ARL15: variants seen among roughly 807,000 people sequenced by gnomAD.
ARL15 encodes the protein ARF like GTPase 15.
ARL15 carries 19 observed loss-of-function variants against 25.2 expected under a neutral mutation model. The observed-to-expected ratio is 0.75, with a 90% CI of 0.53 to 1.10. ARL15 has a LOEUF of 1.10. Ranked by LOEUF, ARL15 falls within the 50% of genes least tolerant of loss-of-function variation. The pLI is 0.00. For synonymous variants in ARL15, 94 were observed against 86.8 expected, an observed-to-expected ratio of 1.08 and a Z score of -0.46; for missense variants, 220 against 246.0, an observed-to-expected ratio of 0.89 and a Z score of 0.71.
intron 1 of ARL15, among the ~76,000 whole-genome samples, chr5:54,197,619 CA>C (rs775918167): frequency 1.5e-4 from 23 of 152,214 alleles, no homozygotes; most frequent in Non-Finnish European, 2.8e-4. Flanking sequence ...GCTTAGAAAA[CA>C]GAGCATAAGG....
At chr5:54,043,015 C>T (rs1750392649) in intron 4 of ARL15, among the ~76,000 whole-genome samples, 1 of 152,082 alleles carries the variant, frequency 6.6e-6, no homozygotes, top group Admixed American at 6.6e-5. Flanking sequence ...CATCATGGCA[C>T]CTCTAACAGT....
At chr5:54,292,630 T>C (rs753088560) in intron 1 of ARL15, among the ~76,000 whole-genome samples, 1 of 152,094 alleles carries the variant, frequency 6.6e-6, no homozygotes, top group Admixed American at 6.5e-5. Context: ...ACTATACCTA[T>C]AGAAATTGAG....
intron 4 of ARL15, among the ~76,000 whole-genome samples, chr5:54,038,990 G>A (rs1459471582): frequency 6.6e-6 from 1 of 152,164 alleles, no homozygotes; most frequent in Admixed American, 6.5e-5. Context: ...ACTCCAAGAT[G>A]CAATAAAGTT....
chr5:53,958,825 G>A (rs73110866), intron 4 of ARL15, among the ~76,000 whole-genome samples: 8,685 of 152,206 alleles, frequency 0.057, 260 homozygotes, highest in Middle Eastern at 0.12. Context: ...AAGATATTAT[G>A]TATTGATAAA....
At chr5:54,122,009 C>T (rs1753093350) in intron 3 of ARL15, among the ~76,000 whole-genome samples, 2 of 152,158 alleles carry the variant, frequency 1.3e-5, no homozygotes, top group South Asian at 2.1e-4. Context: ...CTCAAGTTAG[C>T]TCAGTACCTG....
intron 4 of ARL15, among the ~76,000 whole-genome samples, chr5:54,011,541 G>A (rs1749243934): frequency 6.6e-6 from 1 of 152,126 alleles, no homozygotes; most frequent in Non-Finnish European, 1.5e-5. Flanking sequence ...TAGGTGGTTA[G>A]GGTGAAAAAT....
intron 4 of ARL15, among the ~76,000 whole-genome samples, chr5:53,890,207 A>G (rs923657867): frequency 1.3e-5 from 2 of 152,180 alleles, no homozygotes; most frequent in Non-Finnish European, 1.5e-5. Flanking sequence ...GTCACATTTG[A>G]ATTGTTCACC....
intron 4 of ARL15, among the ~76,000 whole-genome samples, chr5:54,032,409 A>G (rs1343687713): frequency 6.6e-6 from 1 of 151,864 alleles, no homozygotes; most frequent in Non-Finnish European, 1.5e-5. Flanking sequence ...TAATTTTTGT[A>G]TTTTTAGCAC....
intron 1 of ARL15, among the ~76,000 whole-genome samples, chr5:54,302,682 G>GTTTTTTT (rs1758644486): frequency 3.4e-5 from 2 of 59,356 alleles, no homozygotes; most frequent in South Asian, 5.7e-4. Flanking sequence ...CTAAAATTAA[G>GTTTTTTT]ATTTTTTTTT....
intron 3 of ARL15, among the ~76,000 whole-genome samples, chr5:54,124,730 C>G (rs891054492): frequency 6.6e-6 from 1 of 152,142 alleles, no homozygotes; most frequent in African/African-American, 2.4e-5. Context: ...TTTCTTTATA[C>G]TTGCCATAAT....
intron 4 of ARL15, among the ~76,000 whole-genome samples, chr5:54,012,114 CAG>C (rs1472747557): frequency 6.6e-6 from 1 of 152,148 alleles, no homozygotes; most frequent in African/African-American, 2.4e-5. Flanking sequence ...ATAAAAATAA[CAG>C]ATTTTAAATA....
At chr5:54,301,246 C>G (rs917195521) in intron 1 of ARL15, among the ~76,000 whole-genome samples, 1 of 152,140 alleles carries the variant, frequency 6.6e-6, no homozygotes, top group Admixed American at 6.5e-5. Flanking sequence ...ATGTCTTATT[C>G]ACTCAACATT....
At chr5:54,168,169 G>T (rs1754629014) in intron 2 of ARL15, among the ~76,000 whole-genome samples, 1 of 152,276 alleles carries the variant, frequency 6.6e-6, no homozygotes, top group South Asian at 2.1e-4. Context: ...AATGAATGTG[G>T]AATGAATTAA....
chr5:53,910,633 TTATATATA>T lies in ARL15; in HGVS notation c.463-23928_463-23921del, dbSNP rs70986649. 5.3e-4 allele frequency among the ~76,000 whole-genome samples: 29 copies of T among 55,002 alleles called. 1 individual carries two copies. The highest frequency in any genetic ancestry group is 1.8e-3 in the East Asian group (3 of 1,672). The allele number at this position is 55,002 out of a possible 152,430, so 36.1% of individuals were successfully genotyped here. A position where few individuals can be genotyped will look rare whatever the true frequency, so the allele number is the denominator to read the frequency against. On this transcript the variant is annotated intron_variant, in intron 4 of 4. Transcript: ENST00000504924. The stretch of plus-strand genomic sequence containing the variant: ...GAACTTAAAGTATAATAAAAAAAAA[TTATATATA>T]TATATATATATATATATATATATAT...
intron 4 of ARL15, among the ~76,000 whole-genome samples, chr5:53,995,729 G>C (rs1748647552): frequency 6.6e-6 from 1 of 152,126 alleles, no homozygotes; most frequent in Non-Finnish European, 1.5e-5. Flanking sequence ...TCCCTTTTCG[G>C]GGGTTGGCCT....
At chr5:53,978,126 C>A (rs1477396218) in intron 4 of ARL15, among the ~76,000 whole-genome samples, 1 of 152,110 alleles carries the variant, frequency 6.6e-6, no homozygotes, top group Admixed American at 6.6e-5. Context: ...AAAAAAGGAA[C>A]CTAGGGAAGA....
In ARL15 at chr5:54,269,224, G is replaced by A. The variant is rs41151; in HGVS notation, c.48+41208C>T. ...TACCCTAAAACTTAAAGTATAATAA[G>A]AATAAAATAAAATAAAATAAAATAA... On this transcript the variant is annotated intron_variant, in intron 1 of 4. Transcript: ENST00000504924. Among the ~76,000 whole-genome samples the A allele has an allele frequency of 4.4e-3, 668 of 151,740 alleles. 6 individuals carry two copies. Among genetic ancestry groups the A allele is most frequent in the African/African-American group, 0.014 (580 of 41,368 alleles).
At chr5:54,112,565 T>C (rs1002283724) in intron 4 of ARL15, among the ~76,000 whole-genome samples, 1 of 152,224 alleles carries the variant, frequency 6.6e-6, no homozygotes, top group Non-Finnish European at 1.5e-5. Flanking sequence ...TATTCACATA[T>C]CTCATTACTG....
chr5:53,998,064 C>T (rs1229359762), intron 4 of ARL15, among the ~76,000 whole-genome samples: 1 of 151,920 alleles, frequency 6.6e-6, no homozygotes, highest in African/African-American at 2.4e-5. Context: ...TGCTGATTTT[C>T]CCATTAGCTA....
Sources: gnomAD v4.1 joint callset for allele counts (sites outside exome capture counted in the v4.1 genomes callset) on GRCh38, gnomAD v4.1.1 for gene constraint, MANE v1.5 for transcripts, NCBI Gene and HGNC (gene_info 2026-07-23, HGNC 2026-07-21) for gene names.